The following C8orf34 variants were observed in gnomAD, a reference collection of about 807,000 sequenced individuals.
C8orf34 encodes uncharacterized protein C8orf34.
A neutral mutation model predicts 68.3 loss-of-function variants in C8orf34; 65 were observed. That is an observed-to-expected ratio of 0.95 (90% CI 0.78 to 1.17). C8orf34 has a LOEUF of 1.17. C8orf34 is among the 50% of genes most tolerant of loss of function. C8orf34 has a pLI of 0.00. For missense variants in C8orf34, 664 were observed against 655.4 expected, an observed-to-expected ratio of 1.01 and a Z score of -0.14; for synonymous variants, 244 against 241.2, an observed-to-expected ratio of 1.01 and a Z score of -0.11.
At position 68,459,416 on chromosome 8, in the gene C8orf34, A is replaced by G. The variant is rs575162001; in HGVS notation, c.608-9276A>G. Among the ~76,000 whole-genome samples the G allele has an allele frequency of 2.0e-5, 3 of 152,090 alleles. No homozygotes were observed. The South Asian group carries it at 6.2e-4, about 32-fold the overall frequency. ...AGCTAATTTTTGTATTTTTTTTAGTAGAGATGGGGTTTCTCCATGTTGGCC... is the reference window on the plus strand; with the variant it reads ...AGCTAATTTTTGTATTTTTTTTAGTGGAGATGGGGTTTCTCCATGTTGGCC... On this transcript the variant is annotated intron_variant, in intron 3 of 13. Coordinates refer to ENST00000518698, the MANE Select transcript of C8orf34 (RefSeq NM_052958.4).
At chr8:68,683,615 A>C (rs952786690) in intron 8 of C8orf34, among the ~76,000 whole-genome samples, 1 of 152,120 alleles carries the variant, frequency 6.6e-6, no homozygotes, top group Non-Finnish European at 1.5e-5. Context: ...TGATGTCTGG[A>C]AAAAGGTATA....
At chr8:68,340,252 G>A (rs545318626) in intron 1 of C8orf34, among the ~76,000 whole-genome samples, 7 of 151,990 alleles carry the variant, frequency 4.6e-5, no homozygotes, top group Admixed American at 3.9e-4. Flanking sequence ...GGATTGATAC[G>A]TTATTGGATA....
intron 1 of C8orf34, among the ~76,000 whole-genome samples, chr8:68,403,348 A>G (rs1441678097): frequency 6.6e-6 from 1 of 152,094 alleles, no homozygotes; most frequent in Admixed American, 6.6e-5. Context: ...GAGTTACTAC[A>G]CATGAGTGAT....
intron 10 of C8orf34, among the ~76,000 whole-genome samples, chr8:68,739,686 A>G (rs1185030045): frequency 2.0e-5 from 3 of 152,144 alleles, no homozygotes; most frequent in South Asian, 2.1e-4. Context: ...TGTAGATTCA[A>G]TGCTGTTCCT....
intron 1 of C8orf34, among the ~76,000 whole-genome samples, chr8:68,389,318 G>A (rs113037706): frequency 6.6e-6 from 1 of 152,192 alleles, no homozygotes; most frequent in African/African-American, 2.4e-5. Context: ...TCTGTGATGT[G>A]GTGATGAGAA....
chr8:68,510,167 T>C (rs1814202058), intron 5 of C8orf34, among the ~76,000 whole-genome samples: 1 of 151,842 alleles, frequency 6.6e-6, no homozygotes, highest in Non-Finnish European at 1.5e-5. Flanking sequence ...CCTTGGGGAG[T>C]TGCATGCACT....
intron 5 of C8orf34, among the ~76,000 whole-genome samples, chr8:68,488,562 A>G (rs996626834): frequency 1.1e-4 from 17 of 152,152 alleles, no homozygotes; most frequent in Non-Finnish European, 1.6e-4. Flanking sequence ...TAGTTGTGTC[A>G]CTGGAACTTG....
rs375792159 is a variant in C8orf34 at position 68,661,103 on chromosome 8, C to T, written c.1241+20592C>T. Among the ~76,000 whole-genome samples, 63 of 152,296 alleles carry T rather than the reference C, an allele frequency of 4.1e-4. No individual in the cohort carries two copies. The East Asian group carries it at 7.0e-3, about 17-fold the overall frequency. On this transcript the variant is annotated intron_variant, in intron 8 of 13. Coordinates refer to ENST00000518698, the MANE Select transcript of C8orf34 (RefSeq NM_052958.4). ...GCGAGAATTGCTAGCCAGCTGGCCA[C>T]GCCGGGGCCTTGATCCCTGAGACTG...
intron 7 of C8orf34, among the ~76,000 whole-genome samples, chr8:68,562,583 C>A (rs182957864): frequency 6.6e-6 from 1 of 152,206 alleles, no homozygotes; most frequent in East Asian, 1.9e-4. Flanking sequence ...GAAAATGCAG[C>A]CTGATTTGTC....
At position 68,505,738 on chromosome 8, in the gene C8orf34, C is replaced by CAAAAAAAAAAAA. The variant is rs778441254; in HGVS notation, c.766-16053_766-16042dup. On this transcript the variant is annotated intron_variant, in intron 5 of 13. Transcript: ENST00000518698. ...GGGCGACAGAGCGAGACTCCGTCTC[C>CAAAAAAAAAAAA]AAAAAAAAAAAAAAAAAAAGAATGA... is the stretch of plus-strand genomic sequence containing the variant. 8.2e-4 allele frequency among the ~76,000 whole-genome samples: 56 copies of CAAAAAAAAAAAA among 68,340 alleles called. 3 individuals carry two copies. The highest frequency in any genetic ancestry group is 2.4e-3 in the African/African-American group (53 of 22,032). The allele number at this position is 68,340 out of a possible 152,430, so 44.8% of individuals were successfully genotyped here.
intron 1 of C8orf34, among the ~76,000 whole-genome samples, chr8:68,429,177 A>G (rs933089206): frequency 6.6e-6 from 1 of 152,180 alleles, no homozygotes. Context: ...TATATCCAAA[A>G]TACACAAAGA....
chr8:68,701,475 A>G (rs559343164), intron 8 of C8orf34, among the ~76,000 whole-genome samples: 1 of 152,128 alleles, frequency 6.6e-6, no homozygotes, highest in Non-Finnish European at 1.5e-5. Flanking sequence ...CTAAATGACA[A>G]CAGGATTAGT....
chr8:68,362,158 T>A (rs1027249368), intron 1 of C8orf34, among the ~76,000 whole-genome samples: 2 of 152,228 alleles, frequency 1.3e-5, no homozygotes, highest in Non-Finnish European at 2.9e-5. Flanking sequence ...TTAAAATGAA[T>A]GGCATTTCCT....
chr8:68,397,898 A>G (rs888506584), intron 1 of C8orf34, among the ~76,000 whole-genome samples: 3 of 152,066 alleles, frequency 2.0e-5, no homozygotes, highest in African/African-American at 7.2e-5. Context: ...CCTCCTAAGT[A>G]GCTGGGATTA....
chr8:68,625,084 A>G (rs918627716), intron 7 of C8orf34, among the ~76,000 whole-genome samples: 29 of 152,196 alleles, frequency 1.9e-4, no homozygotes, highest in Non-Finnish European at 3.7e-4. Context: ...GCTCTCTTAC[A>G]TAAAATAGTC....
At chr8:68,429,328 A>T (rs1810358201) in intron 1 of C8orf34, among the ~76,000 whole-genome samples, 1 of 152,222 alleles carries the variant, frequency 6.6e-6, no homozygotes, top group South Asian at 2.1e-4. Context: ...GTAATCATGG[A>T]CATGCAAATT....
chr8:68,540,266 G>A (rs577344136), intron 7 of C8orf34, among the ~76,000 whole-genome samples: 1 of 150,706 alleles, frequency 6.6e-6, no homozygotes, highest in East Asian at 1.9e-4. Flanking sequence ...TTTGGTTTAT[G>A]TCTGCAAAAG....
intron 1 of C8orf34, among the ~76,000 whole-genome samples, chr8:68,422,707 G>A (rs752530587): frequency 1.3e-4 from 20 of 152,182 alleles, no homozygotes; most frequent in Non-Finnish European, 2.2e-4. Flanking sequence ...TGGAGGCTCC[G>A]ACCCCACATT....
intron 5 of C8orf34, among the ~76,000 whole-genome samples, chr8:68,517,545 C>T (rs577400091): frequency 1.4e-4 from 22 of 152,314 alleles, no homozygotes; most frequent in African/African-American, 5.1e-4. Flanking sequence ...TAAATTTCTA[C>T]ACCAGGTGGA....
Sources: gnomAD v4.1 joint callset for allele counts (sites outside exome capture counted in the v4.1 genomes callset) on GRCh38, gnomAD v4.1.1 for gene constraint, MANE v1.5 for transcripts, NCBI Gene and HGNC (gene_info 2026-07-23, HGNC 2026-07-21) for gene names.